Variants in TMEM108 observed in about 807,000 individuals in gnomAD.
The protein encoded by TMEM108 is cancer/testis antigen 124.
In TMEM108, 12 loss-of-function variants were observed where a neutral mutation model predicts 35.1. The observed-to-expected ratio is 0.34, with a 90% CI of 0.22 to 0.55. The LOEUF is 0.55. TMEM108 is among the 20% of genes least tolerant of loss of function. TMEM108 has a pLI of 0.89. For missense variants in TMEM108, 680 were observed against 753.3 expected (o/e 0.90, Z 1.14); for synonymous variants, 287 against 308.6 (o/e 0.93, Z 0.73).
At chr3:133,326,609 T>G (rs1330492170) in intron 3 of TMEM108, among the ~76,000 whole-genome samples, 1 of 152,130 alleles carries the variant, frequency 6.6e-6, no homozygotes, top group Non-Finnish European at 1.5e-5. Context: ...AATGAATCGA[T>G]GAAGAGGTGG....
At chr3:133,254,857 T>G (rs1946523300) in intron 3 of TMEM108, among the ~76,000 whole-genome samples, 1 of 152,190 alleles carries the variant, frequency 6.6e-6, no homozygotes, top group Admixed American at 6.5e-5. Flanking sequence ...CTAGATGGCC[T>G]GAAGGCTGAA....
chr3:133,372,157 T>C (rs1266745148), intron 3 of TMEM108, among the ~76,000 whole-genome samples: 2 of 152,164 alleles, frequency 1.3e-5, no homozygotes, highest in Non-Finnish European at 2.9e-5. Context: ...GAAAGATTTG[T>C]TTTTTTGTCA....
At chr3:133,223,663 C>A (rs573579770) in intron 2 of TMEM108, among the ~76,000 whole-genome samples, 1 of 152,138 alleles carries the variant, frequency 6.6e-6, no homozygotes, top group Admixed American at 6.5e-5. Context: ...CGCAATTGAC[C>A]CAAGAGATTC....
rs902058728 is a variant in TMEM108 at position 133,397,409 on chromosome 3, C to A, written c.*1423C>A. On this transcript the variant is annotated 3_prime_UTR_variant, in exon 6 of 6. Transcript: ENST00000321871. ...TTCCTTAAAAAAAAAAAAAAGATGG[C>A]CTTCAAAAGTGTGTTCTCAATGTTG... The A allele has an allele frequency of 2.0e-5, 3 of 151,418 alleles. No individual in the cohort carries two copies. Among genetic ancestry groups the A allele is most frequent in the Non-Finnish European group, 4.4e-5 (3 of 67,942 alleles). The allele number at this position is 151,418 out of a possible 1,614,324, so 9.4% of individuals were successfully genotyped here.
At chr3:133,099,349 G>A (rs1465461382) in intron 2 of TMEM108, among the ~76,000 whole-genome samples, 4 of 152,114 alleles carry the variant, frequency 2.6e-5, no homozygotes, top group Non-Finnish European at 5.9e-5. Context: ...TTTCCTCCTG[G>A]GCTTCCAGGC....
intron 4 of TMEM108, chr3:133,387,715 G>A (rs2073173727): frequency 5.9e-6 from 4 of 672,790 alleles, no homozygotes; most frequent in Non-Finnish European, 7.3e-6. Flanking sequence ...ACAATTTGAA[G>A]TGCTGGCAGA....
At chr3:133,245,681 T>C (rs1389615057) in intron 3 of TMEM108, among the ~76,000 whole-genome samples, 1 of 152,208 alleles carries the variant, frequency 6.6e-6, no homozygotes, top group Non-Finnish European at 1.5e-5. Flanking sequence ...TGGAATGAAC[T>C]GGACAGAGGA....
rs1401314380 is a variant in TMEM108, at chr3:133,395,878, G to C, written c.1620G>C (p.Glu540Asp). 6.3e-7 allele frequency: 1 copy of C among 1,587,158 alleles called. No homozygotes were observed. The highest frequency in any genetic ancestry group is 8.6e-7 in the Non-Finnish European group (1 of 1,167,328). The change falls in exon 6 of 6, where the codon GAG (glutamate) becomes GAC (aspartate). Residue 540 changes from glutamate (E) to aspartate (D), a missense_variant. Around this residue, in one of 3 missense-constraint regions of TMEM108, gnomAD observed 105 missense variants for 150.7 expected, o/e 0.70. Coordinates refer to ENST00000321871, the MANE Select transcript of TMEM108 (RefSeq NM_023943.4). ...SLETSEDQLS[E>D]PRSPANGDYR... ...TCTCTTCCCAGGACCAGCTCTCAGA[G>C]CCCCGCTCCCCAGCCAATGGCGACT...
chr3:133,140,278 A>G (rs910104171), intron 2 of TMEM108, among the ~76,000 whole-genome samples: 1 of 152,190 alleles, frequency 6.6e-6, no homozygotes, highest in African/African-American at 2.4e-5. Flanking sequence ...CATAGACATT[A>G]TAGTTGTAAA....
intron 3 of TMEM108, among the ~76,000 whole-genome samples, chr3:133,313,883 G>A (rs919809990): frequency 9.9e-5 from 15 of 152,030 alleles, no homozygotes; most frequent in Admixed American, 3.9e-4. Context: ...ATTTATAATG[G>A]CATTAATGCC....
chr3:133,203,633 C>A (rs993955639), intron 2 of TMEM108, among the ~76,000 whole-genome samples: 1 of 152,104 alleles, frequency 6.6e-6, no homozygotes, highest in African/African-American at 2.4e-5. Flanking sequence ...CCTTGCATCC[C>A]CGGGATGAAG....
intron 5 of TMEM108, among the ~76,000 whole-genome samples, chr3:133,392,591 A>G (rs1299173220): frequency 1.3e-5 from 2 of 151,998 alleles, no homozygotes; most frequent in Admixed American, 6.5e-5. Context: ...CCTGCTGCAC[A>G]TGTCTAATAG....
At chr3:133,241,395 C>T (rs1946310656) in intron 3 of TMEM108, among the ~76,000 whole-genome samples, 2 of 152,336 alleles carry the variant, frequency 1.3e-5, no homozygotes, top group Admixed American at 6.5e-5. Context: ...TGCTCCTCCC[C>T]TCAGAAGTTT....
rs1944358991 is a variant in TMEM108, at chr3:133,122,019, G to T, written c.-47+75999G>T. 2.6e-5 allele frequency among the ~76,000 whole-genome samples: 4 copies of T among 152,244 alleles called. No homozygotes were observed. The South Asian group carries it at 8.3e-4, about 32-fold the overall frequency. Reference sequence around the variant, plus strand: ...TGTAGGTTAAATCAGCCCCTGAAAAGACACATTTGCAGCTTTCTGTATTTT... The same window carrying T: ...TGTAGGTTAAATCAGCCCCTGAAAATACACATTTGCAGCTTTCTGTATTTT... On this transcript the variant is annotated intron_variant, in intron 2 of 5. Coordinates refer to ENST00000321871, the MANE Select transcript of TMEM108 (RefSeq NM_023943.4).
At chr3:133,232,729 A>C (rs553276410) in intron 3 of TMEM108, among the ~76,000 whole-genome samples, 3 of 152,318 alleles carry the variant, frequency 2.0e-5, no homozygotes, top group Non-Finnish European at 2.9e-5. Flanking sequence ...ACAACTGACT[A>C]TCTCTGCCTT....
chr3:133,393,953 G>A (rs186296002), intron 5 of TMEM108, among the ~76,000 whole-genome samples: 5 of 152,358 alleles, frequency 3.3e-5, no homozygotes, highest in Admixed American at 2.0e-4. Context: ...CCAGGAGGGC[G>A]CCATAGGACC....
chr3:133,245,692 A>G (rs1475294076), intron 3 of TMEM108, among the ~76,000 whole-genome samples: 1 of 152,228 alleles, frequency 6.6e-6, no homozygotes, highest in Non-Finnish European at 1.5e-5. Context: ...GGACAGAGGA[A>G]CAATGAGCAG....
chr3:133,314,925 CT>C (rs1285269643), intron 3 of TMEM108, among the ~76,000 whole-genome samples: 1 of 152,176 alleles, frequency 6.6e-6, no homozygotes, highest in Non-Finnish European at 1.5e-5. Flanking sequence ...TTGGTAACAT[CT>C]TTTTTCAGGC....
chr3:133,334,560 C>T (rs1466252688), intron 3 of TMEM108, among the ~76,000 whole-genome samples: 1 of 151,920 alleles, frequency 6.6e-6, no homozygotes, highest in African/African-American at 2.4e-5. Context: ...AGATGGGGTT[C>T]GCAGGTTATG....
Sources: allele counts gnomAD v4.1 joint callset (sites outside exome capture counted in the v4.1 genomes callset), GRCh38; gene constraint gnomAD v4.1.1; regional missense constraint gnomAD v4.1.1; transcripts MANE v1.5; gene names NCBI Gene and HGNC (gene_info 2026-07-23, HGNC 2026-07-21).